PARD3B: variants seen among roughly 807,000 people sequenced by gnomAD.
PARD3B encodes partitioning defective 3 homolog B.
PARD3B carries 103 observed loss-of-function variants against 130.2 expected under a neutral mutation model. That is an observed-to-expected ratio of 0.79 (90% CI 0.67 to 0.93). PARD3B has a LOEUF of 0.93. Among genes scored for constraint, PARD3B ranks in the 40% least tolerant of loss-of-function variants. The pLI is 0.00. For synonymous variants in PARD3B, 583 were observed against 553.2 expected, an observed-to-expected ratio of 1.05 and a Z score of -0.76; for missense variants, 1,609 against 1,499.2, an observed-to-expected ratio of 1.07 and a Z score of -1.21.
rs1489274373 is a variant in PARD3B, at chr2:205,113,578, G to A, written c.680+1G>A. 1.2e-6 allele frequency: 2 copies of A among 1,608,508 alleles called. No individual in the cohort carries two copies. Among genetic ancestry groups the A allele is most frequent in the South Asian group, 1.1e-5 (1 of 90,456 alleles). On this transcript the variant is annotated splice_donor_variant, in intron 6 of 22. Coordinates refer to ENST00000406610, the MANE Select transcript of PARD3B (RefSeq NM_001302769.2). LOFTEE classifies it high-confidence loss of function. ...CCTTCTTTTCATCTCTGAGTGGAAG[G>A]TAAGATGTTTTTCTCATTCCAGAAG...
chr2:204,981,834 A>G (rs1295296341), intron 3 of PARD3B, among the ~76,000 whole-genome samples: 2 of 152,200 alleles, frequency 1.3e-5, no homozygotes, highest in Non-Finnish European at 2.9e-5. Flanking sequence ...GCATTTGAGG[A>G]AAACTGGAAG....
intron 16 of PARD3B, among the ~76,000 whole-genome samples, chr2:205,298,302 C>G (rs960151349): frequency 1.3e-5 from 2 of 152,092 alleles, no homozygotes; most frequent in African/African-American, 4.8e-5. Flanking sequence ...TTTACTATTG[C>G]TTCTATACAC....
intron 2 of PARD3B, among the ~76,000 whole-genome samples, chr2:204,767,040 G>A (rs1476486833): frequency 8.6e-6 from 1 of 116,526 alleles, no homozygotes; most frequent in Non-Finnish European, 1.7e-5. Context: ...GGGTACATGT[G>A]CACATTGTGC....
chr2:205,115,788 G>A (rs1330069331), intron 6 of PARD3B, among the ~76,000 whole-genome samples: 1 of 152,142 alleles, frequency 6.6e-6, no homozygotes, highest in Non-Finnish European at 1.5e-5. Flanking sequence ...CACTGTGTGA[G>A]CACAGGGGCT....
chr2:204,730,200 G>A (rs528168020), intron 2 of PARD3B, among the ~76,000 whole-genome samples: 2 of 152,032 alleles, frequency 1.3e-5, no homozygotes, highest in African/African-American at 2.4e-5. Flanking sequence ...TCAGCCTCCC[G>A]AGTAGCTGGG....
chr2:204,918,502 C>T (rs1575302829), intron 2 of PARD3B, among the ~76,000 whole-genome samples: 3 of 150,506 alleles, frequency 2.0e-5, no homozygotes, highest in Admixed American at 6.6e-5. Context: ...TAGTGGCGGG[C>T]GCCTGTAGTC....
intron 2 of PARD3B, among the ~76,000 whole-genome samples, chr2:204,810,993 T>C (rs934252964): frequency 2.0e-5 from 3 of 152,162 alleles, no homozygotes; most frequent in African/African-American, 7.2e-5. Context: ...TCAGAGCTCA[T>C]TATTGGTCTG....
intron 11 of PARD3B, among the ~76,000 whole-genome samples, chr2:205,161,491 G>A (rs763559714): frequency 1.1e-4 from 17 of 151,912 alleles, no homozygotes; most frequent in Admixed American, 8.5e-4. Context: ...CCTGAGATTT[G>A]TTCACAAAAA....
rs570388958 is a variant in PARD3B, at chr2:205,228,919, C to T, written c.2141-16859C>T. On this transcript the variant is annotated intron_variant, in intron 15 of 22. Transcript: ENST00000406610. Reference sequence around the variant, plus strand: ...CATGCATTCTACACTATGTCAATTACATTTTTCAACTCCAGAATTTCTGTT... The same window carrying T: ...CATGCATTCTACACTATGTCAATTATATTTTTCAACTCCAGAATTTCTGTT... Among the ~76,000 whole-genome samples the T allele has an allele frequency of 2.0e-5, 3 of 152,304 alleles. 1 individual carries two copies. The South Asian group carries it at 6.2e-4, about 32-fold the overall frequency.
intron 16 of PARD3B, among the ~76,000 whole-genome samples, chr2:205,278,394 A>T (rs139366221): frequency 4.9e-4 from 74 of 152,270 alleles, no homozygotes; most frequent in African/African-American, 1.7e-3. Context: ...TGGACGACTG[A>T]TAGGCTTGGG....
rs9728536 is a variant in PARD3B at position 205,204,512 on chromosome 2, G to A, written c.2140+11192G>A. Reference sequence around the variant, plus strand: ...CCATTGCTTTTGGTGTTTTAGACATGAAGTCTTTGCCCATGCCTGTGAGCT... The same window carrying A: ...CCATTGCTTTTGGTGTTTTAGACATAAAGTCTTTGCCCATGCCTGTGAGCT... On this transcript the variant is annotated intron_variant, in intron 15 of 22. Coordinates refer to ENST00000406610, the MANE Select transcript of PARD3B (RefSeq NM_001302769.2). Among the ~76,000 whole-genome samples the A allele has an allele frequency of 7.7e-3, 1,174 of 152,320 alleles. 16 individuals are homozygous for A. Among genetic ancestry groups the A allele is most frequent in the Middle Eastern group, 0.014 (4 of 294 alleles).
At chr2:205,381,079 T>G (rs1358370718) in intron 18 of PARD3B, among the ~76,000 whole-genome samples, 1 of 26,560 alleles carries the variant, frequency 3.8e-5, no homozygotes, top group African/African-American at 1.8e-4. Flanking sequence ...TTATATATAT[T>G]ATATATAAAG....
intron 4 of PARD3B, among the ~76,000 whole-genome samples, chr2:205,073,400 GA>G (rs1296143394): frequency 2.6e-5 from 4 of 152,068 alleles, no homozygotes; most frequent in Non-Finnish European, 5.9e-5. Flanking sequence ...TATTTGCTTT[GA>G]AGTAAGAAAC....
chr2:204,690,777 C>T (rs1207147319), intron 2 of PARD3B, among the ~76,000 whole-genome samples: 1 of 152,122 alleles, frequency 6.6e-6, no homozygotes, highest in African/African-American at 2.4e-5. Flanking sequence ...CATACACTGC[C>T]TCTTTTCCCA....
At chr2:205,171,265 C>T (rs1026936802) in intron 11 of PARD3B, among the ~76,000 whole-genome samples, 2 of 152,004 alleles carry the variant, frequency 1.3e-5, no homozygotes, top group Non-Finnish European at 2.9e-5. Context: ...AGCATATCCC[C>T]TGAGTCTGGC....
intron 1 of PARD3B, among the ~76,000 whole-genome samples, chr2:204,557,309 C>A (rs142315857): frequency 6.6e-6 from 1 of 152,288 alleles, no homozygotes; most frequent in Non-Finnish European, 1.5e-5. Flanking sequence ...TGCCCCATTC[C>A]TTGTAGCCTG....
chr2:204,789,814 T>A (rs1049382696), intron 2 of PARD3B, among the ~76,000 whole-genome samples: 54 of 152,162 alleles, frequency 3.5e-4, no homozygotes, highest in African/African-American at 1.3e-3. Context: ...ACCTGTGACC[T>A]CCTCAAGTCC....
intron 19 of PARD3B, among the ~76,000 whole-genome samples, chr2:205,418,944 A>C (rs942027267): frequency 1.1e-4 from 16 of 152,208 alleles, no homozygotes; most frequent in African/African-American, 3.6e-4. Context: ...AATTTATTTA[A>C]ATATTTTAAA....
chr2:205,436,358 G>A (rs1217999872), intron 19 of PARD3B, among the ~76,000 whole-genome samples: 3 of 152,000 alleles, frequency 2.0e-5, no homozygotes, highest in Admixed American at 6.6e-5. Flanking sequence ...TTTCAAGATG[G>A]GTCAATAAGT....
Sources: gnomAD v4.1 joint callset for allele counts (sites outside exome capture counted in the v4.1 genomes callset) on GRCh38, gnomAD v4.1.1 for gene constraint, MANE v1.5 for transcripts, NCBI Gene and HGNC (gene_info 2026-07-23, HGNC 2026-07-21) for gene names.